Variants in ASAP2 observed in about 807,000 individuals in gnomAD.
ASAP2 encodes ArfGAP with SH3 domain, ankyrin repeat and PH domain 2.
In ASAP2, 45 loss-of-function variants were observed where a neutral mutation model predicts 131.4. The ratio of observed to expected loss-of-function variants is 0.34; its 90% CI spans 0.27 to 0.44. The LOEUF (loss-of-function observed/expected upper bound fraction) is 0.44, where lower values mean the gene tolerates loss of function less well. Among genes scored for constraint, ASAP2 ranks in the 20% least tolerant of loss-of-function variants. The pLI, the probability that ASAP2 is intolerant of heterozygous loss-of-function variation, is 1.00. For synonymous variants in ASAP2, 510 were observed against 503.0 expected (o/e 1.01, Z -0.19); for missense variants, 1,011 against 1,297.0 (o/e 0.78, Z 3.39).
intron 3 of ASAP2, among the ~76,000 whole-genome samples, chr2:9,304,189 C>CA (rs1432875420): frequency 6.6e-6 from 1 of 152,096 alleles, no homozygotes; most frequent in East Asian, 1.9e-4. Context: ...CATCTGCACA[C>CA]AAGCCTGCTT....
At position 9,268,969 on chromosome 2, in the gene ASAP2, G is replaced by A. The variant is rs1666147323; in HGVS notation, c.127-10348G>A. ...GTGCTGCCTGCAGTGTGGGCTCCCT[G>A]TCAGGGCTGGGAGGAGTGGGGTGCA... On this transcript the variant is annotated intron_variant, in intron 1 of 27. Coordinates refer to ENST00000281419, the MANE Select transcript of ASAP2 (RefSeq NM_003887.3). The surrounding 1 kb of genome is among the most constrained non-coding windows in gnomAD (Gnocchi z 4.1). Among the ~76,000 whole-genome samples the A allele has an allele frequency of 6.6e-6, 1 of 152,084 alleles. No individual in the cohort carries two copies. The highest frequency in any genetic ancestry group is 2.4e-5 in the African/African-American group (1 of 41,378).
Position 9,405,254 on chromosome 2 carries a change from T to C in ASAP2, c.*1927T>C, listed in dbSNP as rs1012057534. On this transcript the variant is annotated 3_prime_UTR_variant, in exon 28 of 28. Coordinates refer to ENST00000281419, the MANE Select transcript of ASAP2 (RefSeq NM_003887.3). ...TAACGACCCTGCTAATATCCTTTCT[T>C]AGTTATTTGCTCCTTGCAAATTAAA... 1.3e-5 allele frequency: 2 copies of C among 152,252 alleles called. No individual in the cohort carries two copies. Among genetic ancestry groups the C allele is most frequent in the African/African-American group, 4.8e-5 (2 of 41,468 alleles). 9.4% of individuals were successfully genotyped at this position (152,252 alleles called of 1,614,324 possible). A position where few individuals can be genotyped will look rare whatever the true frequency, so the allele number is the denominator to read the frequency against.
At chr2:9,337,846 G>A (rs1397738936) in intron 9 of ASAP2, among the ~76,000 whole-genome samples, 1 of 152,104 alleles carries the variant, frequency 6.6e-6, no homozygotes, top group Admixed American at 6.5e-5. Flanking sequence ...CTACTCTTTG[G>A]TATTTCCATT....
chr2:9,315,174 G>A (rs1669568331), intron 3 of ASAP2, among the ~76,000 whole-genome samples: 1 of 152,194 alleles, frequency 6.6e-6, no homozygotes, highest in South Asian at 2.1e-4. Context: ...AAATAAGGAT[G>A]GATTGTGGAG....
chr2:9,239,738 T>G (rs911234451), intron 1 of ASAP2, among the ~76,000 whole-genome samples: 2 of 152,142 alleles, frequency 1.3e-5, no homozygotes, highest in African/African-American at 2.4e-5. Flanking sequence ...CATCTTTTTT[T>G]TTTTGTTTTA....
At chr2:9,377,140 A>G in intron 18 of ASAP2, 147 bp downstream of exon 18, 1 of 688,386 alleles carries the variant, frequency 1.5e-6, no homozygotes, top group South Asian at 1.9e-5. Context: ...AAGGACTGCC[A>G]GGTGTGAGGT....
intron 20 of ASAP2, among the ~76,000 whole-genome samples, chr2:9,381,980 C>CTTTTT (rs759499289): frequency 2.6e-5 from 3 of 115,962 alleles, no homozygotes; most frequent in African/African-American, 7.6e-5. Context: ...CTCATTTAAT[C>CTTTTT]TTTTTTTTTT....
intron 21 of ASAP2, among the ~76,000 whole-genome samples, chr2:9,387,911 C>T (rs932791316): frequency 3.9e-5 from 6 of 152,114 alleles, no homozygotes; most frequent in African/African-American, 7.2e-5. Flanking sequence ...AGAGAGCAAG[C>T]GAGAGCAGGG....
At chr2:9,272,714 T>C (rs1666483665) in intron 1 of ASAP2, among the ~76,000 whole-genome samples, 1 of 152,232 alleles carries the variant, frequency 6.6e-6, no homozygotes, top group Non-Finnish European at 1.5e-5. Context: ...TAATCCATTT[T>C]GGTTTGATTT....
Position 9,389,777 on chromosome 2 carries a change from C to T in ASAP2, c.2383+1231C>T, listed in dbSNP as rs866765178. Reference sequence around the variant, plus strand: ...TCCCCACACAGCCCACATCCCAGACCGCGTCCATCCCTGGCTTGATGAGGA... The same window carrying T: ...TCCCCACACAGCCCACATCCCAGACTGCGTCCATCCCTGGCTTGATGAGGA... On this transcript the variant is annotated intron_variant, in intron 22 of 27. Transcript: ENST00000281419. This position sits in a 1 kb window ranked among gnomAD's most constrained non-coding sequence, Gnocchi z 4.7. Among the ~76,000 whole-genome samples, 2 of 152,172 alleles carry T rather than the reference C, an allele frequency of 1.3e-5. No homozygotes were observed. Among genetic ancestry groups the T allele is most frequent in the Admixed American group, 6.5e-5 (1 of 15,272 alleles).
chr2:9,279,083 G>C (rs1558291203), intron 1 of ASAP2, among the ~76,000 whole-genome samples: 1 of 152,200 alleles, frequency 6.6e-6, no homozygotes, highest in Non-Finnish European at 1.5e-5. Flanking sequence ...TTGGTTTTCA[G>C]TAATTGCCAA....
intron 18 of ASAP2, among the ~76,000 whole-genome samples, chr2:9,377,488 GCCTTTA>G (rs1258464182): frequency 3.3e-5 from 5 of 152,208 alleles, no homozygotes; most frequent in African/African-American, 1.2e-4. Context: ...ATTAGAAATG[GCCTTTA>G]GAGATGTGCA....
chr2:9,243,428 T>C (rs1304183919), intron 1 of ASAP2, among the ~76,000 whole-genome samples: 1 of 152,212 alleles, frequency 6.6e-6, no homozygotes, highest in African/African-American at 2.4e-5. Flanking sequence ...TTTTATAATG[T>C]GCATTTTTGT....
chr2:9,376,988 G>C lies in ASAP2; in HGVS notation c.1827G>C (p.Gln609His). The change falls in exon 18 of 28, where the codon CAG becomes CAC. Residue 609 changes from glutamine to histidine, a missense_variant. Coordinates refer to ENST00000281419, the MANE Select transcript of ASAP2 (RefSeq NM_003887.3). ...TTCACATTGTAGACTTTTTAGTTCA[G>C]AACAGGTAGGTGTTCTGAAATTAAG... is the stretch of plus-strand genomic sequence containing the variant. Reference protein sequence around the residue: ...TSLHIVDFLVQNSGNLDKQTG... With the variant: ...TSLHIVDFLVHNSGNLDKQTG... 6.2e-7 allele frequency: 1 copy of C among 1,612,864 alleles called. No individual in the cohort carries two copies. Among genetic ancestry groups the C allele is most frequent in the Non-Finnish European group, 8.5e-7 (1 of 1,179,084 alleles).
chr2:9,290,018 C>T (rs1169604050), intron 2 of ASAP2, among the ~76,000 whole-genome samples: 3 of 152,096 alleles, frequency 2.0e-5, no homozygotes, highest in Non-Finnish European at 2.9e-5. Flanking sequence ...AGTTGCTCAT[C>T]CTGCACGGGA....
rs139511854 is a variant in ASAP2 at position 9,316,615 on chromosome 2, C to T, written c.346-1909C>T. Among the ~76,000 whole-genome samples, 349 of 152,172 alleles carry T rather than the reference C, an allele frequency of 2.3e-3. 2 individuals carry two copies. The highest frequency in any genetic ancestry group is 4.8e-3 in the South Asian group (23 of 4,814). ...GAAGTGCGAAAGTGGGTTTCGAGCT[C>T]GTTTTCCACTTGAGGGAGGGAATCT... On this transcript the variant is annotated intron_variant, in intron 3 of 27. Transcript: ENST00000281419.
intron 3 of ASAP2, among the ~76,000 whole-genome samples, chr2:9,317,081 C>CCA (rs768816073): frequency 1.5e-5 from 2 of 131,252 alleles, no homozygotes; most frequent in Non-Finnish European, 3.5e-5. Context: ...AAAATCACAT[C>CCA]CACACACACA....
chr2:9,296,006 A>C (rs1353754636), intron 2 of ASAP2, among the ~76,000 whole-genome samples: 1 of 152,174 alleles, frequency 6.6e-6, no homozygotes, highest in African/African-American at 2.4e-5. Flanking sequence ...GTTAGCTGAC[A>C]GTGGTCTCAT....
At chr2:9,264,195 A>AAT (rs1665776409) in intron 1 of ASAP2, among the ~76,000 whole-genome samples, 6 of 141,872 alleles carry the variant, frequency 4.2e-5, no homozygotes, top group Admixed American at 7.7e-5. Flanking sequence ...TGTCTCAAAA[A>AAT]AATAATAATA....
Sources: gnomAD v4.1 joint callset for allele counts (sites outside exome capture counted in the v4.1 genomes callset) on GRCh38, gnomAD v4.1.1 for gene constraint, Gnocchi (gnomAD v3.1) non-coding constraint, MANE v1.5 for transcripts, NCBI Gene and HGNC (gene_info 2026-07-23, HGNC 2026-07-21) for gene names.